Variants in USP24 observed in about 807,000 individuals in gnomAD.
The protein encoded by USP24 is ubiquitin specific peptidase 24.
A neutral mutation model predicts 361.6 loss-of-function variants in USP24; 97 were observed. The ratio of observed to expected loss-of-function variants is 0.27; its 90% CI spans 0.23 to 0.32. The LOEUF (loss-of-function observed/expected upper bound fraction) is 0.32, where lower values mean the gene tolerates loss of function less well. Among genes scored for constraint, USP24 ranks in the 10% least tolerant of loss-of-function variants. The probability of loss-of-function intolerance (pLI) is 1.00; values close to 1 mark genes in which losing one functional copy is unlikely to be tolerated. For synonymous variants in USP24, 1,098 were observed against 1,124.6 expected, an observed-to-expected ratio of 0.98 and a Z score of 0.47; for missense variants, 2,353 against 3,165.6, an observed-to-expected ratio of 0.74 and a Z score of 6.16.
rs543788464 is a variant in USP24, at chr1:55,121,511, T to G, written c.4277-5A>C. The G allele has an allele frequency of 8.1e-6, 13 of 1,612,428 alleles. No individual in the cohort carries two copies. In the East Asian group the frequency reaches 2.2e-4, roughly 28 times the overall value. On this transcript the variant is annotated splice_polypyrimidine_tract_variant and splice_region_variant and intron_variant, in intron 36 of 67. Coordinates refer to ENST00000294383, the MANE Select transcript of USP24 (RefSeq NM_015306.3). ...AGGGCAAGTTATAGAAAGATGCTAA[T>G]AAGAAGAAATGGGGGATGTGGGTGT...
chr1:55,132,764 C>T, intron 30 of USP24, 64 bp from the exon 31 acceptor site: 3 of 1,476,868 alleles, frequency 2.0e-6, no homozygotes, highest in South Asian at 2.6e-5. Flanking sequence ...AGAAACAGAT[C>T]TTAGTACACG....
At chr1:55,164,502 C>T (rs1648620221) in intron 7 of USP24, among the ~76,000 whole-genome samples, 1 of 151,984 alleles carries the variant, frequency 6.6e-6, no homozygotes, top group Admixed American at 6.6e-5. Context: ...CTTAACTGGT[C>T]AGAAATTCAG....
At chr1:55,209,962 A>G (rs1260092145) in intron 1 of USP24, among the ~76,000 whole-genome samples, 1 of 152,224 alleles carries the variant, frequency 6.6e-6, no homozygotes, top group Non-Finnish European at 1.5e-5. Context: ...ATATTTTTCT[A>G]TTAATGTTGA....
chr1:55,149,082 A>G (rs1013678549), intron 16 of USP24, among the ~76,000 whole-genome samples: 3 of 152,246 alleles, frequency 2.0e-5, no homozygotes, highest in African/African-American at 7.2e-5. Context: ...TCCTAGTTAA[A>G]ACACTTTCAT....
chr1:55,095,328 C>T lies in USP24; in HGVS notation c.6130G>A (p.Asp2044Asn). 2 of 1,613,506 alleles carry T rather than the reference C, an allele frequency of 1.2e-6. No homozygotes were observed. Among genetic ancestry groups the T allele is most frequent in the Non-Finnish European group, 1.7e-6 (2 of 1,179,692 alleles). ...TTTGGTAATACTGGGGAGTTCTGAT[C>T]AGACACCCTTTGGTAGAAAAGCATA... is the stretch of plus-strand genomic sequence containing the variant. ...AYMLFYQRVS[D>N]QNSPVLPKKS... Residue 2044 changes from aspartate to asparagine, a missense_variant, in exon 51 of 68, where the codon GAT becomes AAT. Asp to Asn is a conservative substitution (Grantham distance 23). This residue lies in a region of USP24 where 598 missense variants were observed against 761.9 expected (regional missense o/e 0.78). Coordinates refer to ENST00000294383, the MANE Select transcript of USP24 (RefSeq NM_015306.3).
At chr1:55,203,201 A>G (rs780424861) in intron 1 of USP24, among the ~76,000 whole-genome samples, 18 of 152,254 alleles carry the variant, frequency 1.2e-4, no homozygotes, top group Non-Finnish European at 2.5e-4. Context: ...ACTAGTGTAT[A>G]TCTAACAAAG....
At position 55,068,913 on chromosome 1, in the gene USP24, G is replaced by A. The variant is rs1644865124; in HGVS notation, c.*132C>T. On this transcript the variant is annotated 3_prime_UTR_variant, in exon 68 of 68. Transcript: ENST00000294383. ...AAAATGCTTTCCTTGAGAAATACAC[G>A]ATCCGCCCAAGTCACAGCAGCTTTC... 5.3e-6 allele frequency: 5 copies of A among 944,088 alleles called. No homozygotes were observed. The highest frequency in any genetic ancestry group is 6.5e-6 in the Non-Finnish European group (4 of 619,290). 58.5% of individuals were successfully genotyped at this position (944,088 alleles called of 1,614,324 possible).
intron 16 of USP24, among the ~76,000 whole-genome samples, chr1:55,152,379 T>C (rs1165229): frequency 0.98 from 149,959 of 152,304 alleles, 73,864 homozygotes; most frequent in East Asian, 1. Flanking sequence ...CTAAGTAATG[T>C]TTAGCTGTAA....
rs373714285 is a variant in USP24 at position 55,146,118 on chromosome 1, T to C, written c.2251-9A>G. 1.8e-4 allele frequency: 294 copies of C among 1,594,436 alleles called. No individual in the cohort carries two copies. In the Middle Eastern group the frequency reaches 4.2e-3, roughly 23 times the overall value. On this transcript the variant is annotated splice_polypyrimidine_tract_variant and intron_variant, in intron 19 of 67. Coordinates refer to ENST00000294383, the MANE Select transcript of USP24 (RefSeq NM_015306.3). ...AACCATTCAAAACACATCTGTGGAA[T>C]AAGACGAATATCACCCTATAACTAA...
intron 1 of USP24, among the ~76,000 whole-genome samples, chr1:55,184,134 G>A (rs1644058584): frequency 6.6e-6 from 1 of 152,110 alleles, no homozygotes; most frequent in African/African-American, 2.4e-5. Flanking sequence ...TCAGCTCACT[G>A]CAACCTCTGT....
At chr1:55,149,348 C>T (rs1303223000) in intron 16 of USP24, among the ~76,000 whole-genome samples, 1 of 152,044 alleles carries the variant, frequency 6.6e-6, no homozygotes, top group Non-Finnish European at 1.5e-5. Context: ...AATCTCTAAC[C>T]AAAAAGCTGA....
rs1043787530 is a variant in USP24 at position 55,066,850 on chromosome 1, A to G, written c.*2195T>C. The G allele has an allele frequency of 6.6e-6, 1 of 152,220 alleles. No individual in the cohort carries two copies. The highest frequency in any genetic ancestry group is 2.1e-4 in the South Asian group (1 of 4,832). 9.4% of individuals were successfully genotyped at this position (152,220 alleles called of 1,614,324 possible). A position where few individuals can be genotyped will look rare whatever the true frequency, so the allele number is the denominator to read the frequency against. ...TTGAAAGGTTTATAAAAACATCTTC[A>G]TCCAAAAAATTGGCAGTAAAAATGA... On this transcript the variant is annotated 3_prime_UTR_variant, in exon 68 of 68. Transcript: ENST00000294383.
At chr1:55,197,899 T>G (rs1644462438) in intron 1 of USP24, among the ~76,000 whole-genome samples, 1 of 152,236 alleles carries the variant, frequency 6.6e-6, no homozygotes, top group Non-Finnish European at 1.5e-5. Flanking sequence ...GGAACTTTTA[T>G]TTTCTCACTT....
chr1:55,194,917 G>C (rs1644377472), intron 1 of USP24, among the ~76,000 whole-genome samples: 1 of 152,018 alleles, frequency 6.6e-6, no homozygotes, highest in Admixed American at 6.6e-5. Flanking sequence ...GTGTTGCTCG[G>C]ACTGCTGCAA....
At chr1:55,166,738 C>G (rs1648906996) in intron 5 of USP24, 135 bp from the exon 6 acceptor site, 23 of 814,366 alleles carry the variant, frequency 2.8e-5, no homozygotes, top group Non-Finnish European at 3.8e-5. Flanking sequence ...AGTTTTTTTC[C>G]CAAACGCTTC....
chr1:55,215,084 G>T lies in USP24; in HGVS notation c.30C>A (p.Thr10=). ...CTGAGAAGCCCATGCACAGCAGCGT[G>T]GTCATGTGCTGCTCCTCCTCCGATT... The part of the protein sequence containing the change: MESEEEQHM[T]TLLCMGFSDP... Residue 10 remains threonine (T), a synonymous_variant, in exon 1 of 68, where the codon ACC becomes ACA. Coordinates refer to ENST00000294383, the MANE Select transcript of USP24 (RefSeq NM_015306.3). 1.5e-6 allele frequency: 2 copies of T among 1,356,968 alleles called. No homozygotes were observed. The highest frequency in any genetic ancestry group is 2.9e-5 in the East Asian group (1 of 33,908). 84.1% of individuals were successfully genotyped at this position (1,356,968 alleles called of 1,614,324 possible).
chr1:55,106,662 T>C (rs113055638), intron 40 of USP24, among the ~76,000 whole-genome samples: 272 of 152,352 alleles, frequency 1.8e-3, no homozygotes, highest in African/African-American at 6.0e-3. Flanking sequence ...TTTAAAATGA[T>C]ATGCCTTTCT....
Position 55,165,897 on chromosome 1 carries a change from A to G in USP24, c.915T>C (p.Asp305=). Residue 305 remains aspartate, a synonymous_variant, in exon 7 of 68, where the codon GAT becomes GAC. Coordinates refer to ENST00000294383, the MANE Select transcript of USP24 (RefSeq NM_015306.3). ...AAIQAKLHSE[D]IELGAVSALI... ...TAGTTTAACTTACCCCAAGTTCTAT[A>G]TCTTCTGAATGGAGCTTGGCTTGGA... The G allele has an allele frequency of 6.2e-7, 1 of 1,605,670 alleles. No individual in the cohort carries two copies. Among genetic ancestry groups the G allele is most frequent in the African/African-American group, 1.3e-5 (1 of 74,708 alleles).
chr1:55,173,736 C>T (rs1011882200), intron 3 of USP24, among the ~76,000 whole-genome samples: 1 of 152,154 alleles, frequency 6.6e-6, no homozygotes, highest in Non-Finnish European at 1.5e-5. Flanking sequence ...CTCAAATTAG[C>T]AGAAGTCATA....
Sources: gnomAD v4.1 joint callset for allele counts (sites outside exome capture counted in the v4.1 genomes callset) on GRCh38, gnomAD v4.1.1 for gene constraint, gnomAD v4.1.1 regional missense constraint, MANE v1.5 for transcripts, NCBI Gene and HGNC (gene_info 2026-07-23, HGNC 2026-07-21) for gene names.